Variants in BLTP2 observed in about 807,000 individuals in gnomAD.
BLTP2 encodes U937-associated antigen.
the BLTP2 span, among the ~76,000 whole-genome samples, chr17:28,642,663 T>TA: frequency 1.3e-5 from 2 of 151,694 alleles, no homozygotes; most frequent in Non-Finnish European, 2.9e-5. Context: ...AAAAAAAATT[T>TA]AAAAAAAAGA....
chr17:28,638,954 C>G, the BLTP2 span: 4 of 435,004 alleles, frequency 9.2e-6, no homozygotes, highest in South Asian at 8.3e-5. Flanking sequence ...ACTTCTAAAC[C>G]ATAACCTTAA....
At chr17:28,616,219 T>C in the BLTP2 span, 3 of 1,607,044 alleles carry the variant, frequency 1.9e-6, no homozygotes, top group African/African-American at 1.3e-5. The surrounding 1 kb of genome is among the most constrained non-coding windows in gnomAD (Gnocchi z 4.8). Context: ...AGGCAAGGAG[T>C]GTGAGCCCTG....
chr17:28,633,566 G>A, the BLTP2 span: 1 of 1,614,054 alleles, frequency 6.2e-7, no homozygotes, highest in South Asian at 1.1e-5. Flanking sequence ...GCCAGCTGGT[G>A]CAGGTTCGCC....
chr17:28,638,297 C>A, the BLTP2 span: 14 of 1,613,234 alleles, frequency 8.7e-6, no homozygotes, highest in Non-Finnish European at 1.2e-5. Flanking sequence ...CCCAAACATG[C>A]ATATTGGGTG....
chr17:28,625,334 CAAAAAAAAAAAAAAAA>C, the BLTP2 span, among the ~76,000 whole-genome samples: 11 of 29,064 alleles, frequency 3.8e-4, no homozygotes, highest in Non-Finnish European at 5.3e-4. Context: ...GACTCCGTCT[CAAAAAAAAAAAAAAAA>C]AAAAAAAAGA....
the BLTP2 span, chr17:28,623,970 T>C: frequency 1.6e-5 from 26 of 1,613,074 alleles, no homozygotes; most frequent in Admixed American, 3.0e-4. Context: ...GAACCATCTA[T>C]GCCAGAGATA....
chr17:28,644,841 C>T, the BLTP2 span: 1 of 678,392 alleles, frequency 1.5e-6, no homozygotes, highest in Non-Finnish European at 2.5e-6. Context: ...CGATCCCTCC[C>T]CTCGCCGCGC....
chr17:28,643,795 G>C, the BLTP2 span: 1 of 941,070 alleles, frequency 1.1e-6, no homozygotes, highest in Non-Finnish European at 1.7e-6. Flanking sequence ...TCTTAAATTA[G>C]AACAGTAAAA....
the BLTP2 span, chr17:28,633,149 A>G: frequency 1.3e-6 from 2 of 1,579,216 alleles, no homozygotes; most frequent in Non-Finnish European, 1.7e-6. Context: ...TGAAGGAAGC[A>G]GCAGTCGTCA....
the BLTP2 span, chr17:28,615,178 T>C: frequency 5.0e-6 from 8 of 1,614,020 alleles, no homozygotes; most frequent in East Asian, 4.5e-5. Context: ...TCAGGTCCGA[T>C]TTAGTTTCTA....
the BLTP2 span, chr17:28,623,839 C>G: frequency 6.2e-7 from 1 of 1,614,208 alleles, no homozygotes. Context: ...ATCCAAGAGG[C>G]AAGTCCAGGA....
At chr17:28,615,886 C>T in the BLTP2 span, 7 of 1,409,978 alleles carry the variant, frequency 5.0e-6, no homozygotes, top group Non-Finnish European at 6.9e-6. Flanking sequence ...CACTTGAGTG[C>T]CAAGTCCTAC....
the BLTP2 span, chr17:28,634,038 C>T: frequency 2.5e-6 from 4 of 1,614,130 alleles, no homozygotes; most frequent in Admixed American, 1.7e-5. Context: ...ACCCATTAGC[C>T]GCCAGTCACG....
the BLTP2 span, chr17:28,620,084 G>A: frequency 7.0e-7 from 1 of 1,421,216 alleles, no homozygotes; most frequent in East Asian, 2.3e-5. Context: ...GTGAAATAGA[G>A]AAAGGAGAAA....
the BLTP2 span, among the ~76,000 whole-genome samples, chr17:28,630,169 A>G: frequency 6.7e-6 from 1 of 149,424 alleles, no homozygotes; most frequent in Non-Finnish European, 1.5e-5. Context: ...TTGCCTATTT[A>G]TTTCTGAGAT....
chr17:28,634,384 G>A, the BLTP2 span: 1 of 849,598 alleles, frequency 1.2e-6, no homozygotes, highest in South Asian at 1.7e-5. Flanking sequence ...GGGAAGGGAA[G>A]CCCACCCATC....
chr17:28,631,730 G>A, the BLTP2 span: 2 of 1,606,154 alleles, frequency 1.2e-6, no homozygotes, highest in Non-Finnish European at 1.7e-6. Flanking sequence ...TCAGAGGATA[G>A]TGTAAGACAG....
At chr17:28,623,715 G>T in the BLTP2 span, 1 of 1,521,184 alleles carries the variant, frequency 6.6e-7, no homozygotes, top group Non-Finnish European at 9.1e-7. Flanking sequence ...GAAAGTCTAC[G>T]GAAAACCAGG....
the BLTP2 span, chr17:28,645,110 A>ACG: frequency 6.6e-7 from 1 of 1,512,948 alleles, no homozygotes; most frequent in South Asian, 1.2e-5. Flanking sequence ...CCGGGCCCCG[A>ACG]CGCCGGATCC....
Sources: gnomAD v4.1 joint callset for allele counts (sites outside exome capture counted in the v4.1 genomes callset) on GRCh38, gnomAD v4.1.1 for gene constraint, Gnocchi (gnomAD v3.1) non-coding constraint, MANE v1.5 for transcripts, NCBI Gene and HGNC (gene_info 2026-07-23, HGNC 2026-07-21) for gene names.